Variants in ATP2B2 observed in about 807,000 individuals in gnomAD.
The protein encoded by ATP2B2 is plasma membrane calcium-transporting ATPase 2.
ATP2B2 carries 15 observed loss-of-function variants against 120.0 expected under a neutral mutation model. The observed-to-expected ratio is 0.12, with a 90% CI of 0.08 to 0.19. The LOEUF is 0.19. Among genes scored for constraint, ATP2B2 ranks in the 10% least tolerant of loss-of-function variants. The probability of loss-of-function intolerance (pLI) is 1.00; values close to 1 mark genes in which losing one functional copy is unlikely to be tolerated. For synonymous variants in ATP2B2, 694 were observed against 700.3 expected (o/e 0.99, Z 0.14); for missense variants, 1,045 against 1,719.8 (o/e 0.61, Z 6.94).
At chr3:10,701,875 A>C (rs1316187623) in intron 1 of ATP2B2, among the ~76,000 whole-genome samples, 1 of 152,086 alleles carries the variant, frequency 6.6e-6, no homozygotes, top group Non-Finnish European at 1.5e-5. Flanking sequence ...TGAGCATACA[A>C]ATTTTTTTTT....
intron 2 of ATP2B2, among the ~76,000 whole-genome samples, chr3:10,537,125 C>T (rs1439252376): frequency 1.3e-5 from 2 of 152,196 alleles, no homozygotes; most frequent in Admixed American, 1.3e-4. Flanking sequence ...GTCAATACTA[C>T]TGTCATGATT....
intron 1 of ATP2B2, among the ~76,000 whole-genome samples, chr3:10,678,766 T>C (rs1316700855): frequency 6.6e-6 from 1 of 152,144 alleles, no homozygotes; most frequent in Non-Finnish European, 1.5e-5. Context: ...CAATCTGTGG[T>C]AGGTAGAATT....
chr3:10,350,827 C>T lies in ATP2B2; in HGVS notation c.2137-250G>A, dbSNP rs189711484. Among the ~76,000 whole-genome samples, 599 of 152,324 alleles carry T rather than the reference C, an allele frequency of 3.9e-3. 4 individuals carry two copies. The highest frequency in any genetic ancestry group is 6.6e-3 in the Non-Finnish European group (449 of 68,028). On this transcript the variant is annotated intron_variant, in intron 14 of 22. Coordinates refer to ENST00000360273, the MANE Select transcript of ATP2B2 (RefSeq NM_001001331.4). ...TGGTTCTCATCACAGAGTCCCAGGTCGCTACCACCTATTGACCATGACGGT... is the reference window on the plus strand; with the variant it reads ...TGGTTCTCATCACAGAGTCCCAGGTTGCTACCACCTATTGACCATGACGGT...
intron 1 of ATP2B2, among the ~76,000 whole-genome samples, chr3:10,620,719 C>T (rs918061667): frequency 6.6e-6 from 1 of 152,136 alleles, no homozygotes; most frequent in African/African-American, 2.4e-5. Flanking sequence ...AGCTGGGAGG[C>T]TACACATACT....
At chr3:10,534,869 C>T (rs888302204) in intron 2 of ATP2B2, among the ~76,000 whole-genome samples, 17 of 149,792 alleles carry the variant, frequency 1.1e-4, no homozygotes, top group African/African-American at 4.2e-4. Context: ...TTCTCTCTCT[C>T]TCTCTCAATC....
At chr3:10,656,633 TGA>T (rs2070635986) in intron 1 of ATP2B2, among the ~76,000 whole-genome samples, 1 of 152,130 alleles carries the variant, frequency 6.6e-6, no homozygotes, top group Admixed American at 6.6e-5. Context: ...GATGAGGAGG[TGA>T]GAGAGATAAG....
At chr3:10,577,360 T>C (rs1037531316) in intron 2 of ATP2B2, among the ~76,000 whole-genome samples, 4 of 152,162 alleles carry the variant, frequency 2.6e-5, no homozygotes, top group Admixed American at 2.0e-4. Flanking sequence ...TTATGGAAAG[T>C]GGCAAGAGTT....
At chr3:10,430,321 T>C (rs1311401077) in intron 2 of ATP2B2, among the ~76,000 whole-genome samples, 1 of 152,200 alleles carries the variant, frequency 6.6e-6, no homozygotes, top group Non-Finnish European at 1.5e-5. Flanking sequence ...CAGAGTAAAC[T>C]GAAAGCCTTC....
At chr3:10,414,419 G>T (rs2062714729) in intron 2 of ATP2B2, among the ~76,000 whole-genome samples, 2 of 152,114 alleles carry the variant, frequency 1.3e-5, no homozygotes, top group Admixed American at 1.3e-4. Context: ...ATAGGTGTGG[G>T]GGTTGGGTGG....
At chr3:10,412,127 C>T (rs2062631161) in intron 2 of ATP2B2, among the ~76,000 whole-genome samples, 1 of 152,354 alleles carries the variant, frequency 6.6e-6, no homozygotes, top group East Asian at 1.9e-4. Context: ...CAGCACTTTG[C>T]CTTCCTCCTG....
At chr3:10,406,904 C>T (rs1368719038) in intron 3 of ATP2B2, among the ~76,000 whole-genome samples, 1 of 152,242 alleles carries the variant, frequency 6.6e-6, no homozygotes, top group Non-Finnish European at 1.5e-5. Context: ...CACTGGGTCC[C>T]GAGCCCCTGC....
intron 11 of ATP2B2, 73 bp from the exon 12 acceptor site, chr3:10,372,124 G>A (rs2125506570): frequency 1.3e-6 from 2 of 1,599,724 alleles, no homozygotes; most frequent in Middle Eastern, 1.7e-4. Flanking sequence ...TGGAGGCACT[G>A]GGTAAACATG....
intron 12 of ATP2B2, among the ~76,000 whole-genome samples, chr3:10,366,078 G>T (rs1470970206): frequency 6.6e-6 from 1 of 152,096 alleles, no homozygotes; most frequent in Admixed American, 6.5e-5. Context: ...GCCCTGCTAA[G>T]TCCCTTCCAG....
At chr3:10,595,267 G>T (rs1222894535) in intron 2 of ATP2B2, among the ~76,000 whole-genome samples, 1 of 152,098 alleles carries the variant, frequency 6.6e-6, no homozygotes, top group South Asian at 2.1e-4. Context: ...GGCCTTTTGG[G>T]GAAGGAGGCG....
chr3:10,377,691 G>C (rs575584710), intron 10 of ATP2B2, among the ~76,000 whole-genome samples: 1 of 152,332 alleles, frequency 6.6e-6, no homozygotes, highest in Admixed American at 6.5e-5. Context: ...AACCTCTTCA[G>C]TTTTTCCTCT....
intron 12 of ATP2B2, among the ~76,000 whole-genome samples, chr3:10,363,050 C>A (rs1321445841): frequency 2.0e-5 from 3 of 152,168 alleles, no homozygotes; most frequent in African/African-American, 7.2e-5. Flanking sequence ...GAGAGCTGAG[C>A]AGTCCTGCCT....
In ATP2B2 at chr3:10,501,372, G is replaced by GTTTT. The variant is rs140295226; in HGVS notation, c.-320+4092_-320+4093insAAAA. ...CCATAGCATAACCCATTTTTTAAACGGTTTTTTTTTTTTTTTGAGACAGGG... is the reference window on the plus strand; with the variant it reads ...CCATAGCATAACCCATTTTTTAAACGTTTTGTTTTTTTTTTTTTTTGAGACAGGG... On this transcript the variant is annotated intron_variant, in intron 1 of 22. Coordinates refer to ENST00000360273, the MANE Select transcript of ATP2B2 (RefSeq NM_001001331.4). Among the ~76,000 whole-genome samples, 12 of 138,054 alleles carry GTTTT rather than the reference G, an allele frequency of 8.7e-5. 3 individuals carry two copies. Among genetic ancestry groups the GTTTT allele is most frequent in the East Asian group, 2.0e-4 (1 of 4,920 alleles). The allele number at this position is 138,054 out of a possible 152,430, so 90.6% of individuals were successfully genotyped here. A position where few individuals can be genotyped will look rare whatever the true frequency, so the allele number is the denominator to read the frequency against.
chr3:10,410,419 A>G (rs1253288633), intron 3 of ATP2B2, among the ~76,000 whole-genome samples, 199 bp downstream of exon 3: 4 of 152,236 alleles, frequency 2.6e-5, no homozygotes, highest in African/African-American at 9.6e-5. Context: ...ACCCTTGTGC[A>G]TTTCACACAG....
intron 2 of ATP2B2, among the ~76,000 whole-genome samples, chr3:10,443,072 C>T (rs2063722816): frequency 2.0e-5 from 3 of 152,216 alleles, no homozygotes; most frequent in African/African-American, 4.8e-5. Flanking sequence ...CCAGCTCATG[C>T]CTAGCACCCT....
Sources: gnomAD v4.1 joint callset for allele counts (sites outside exome capture counted in the v4.1 genomes callset) on GRCh38, gnomAD v4.1.1 for gene constraint, MANE v1.5 for transcripts, NCBI Gene and HGNC (gene_info 2026-07-23, HGNC 2026-07-21) for gene names.